PEBP4: variants seen among roughly 807,000 people sequenced by gnomAD.
PEBP4 encodes phosphatidylethanolamine binding protein 4.
In PEBP4, 22 loss-of-function variants were observed where a neutral mutation model predicts 23.9. The observed-to-expected ratio is 0.92, with a 90% CI of 0.66 to 1.31. The LOEUF (loss-of-function observed/expected upper bound fraction) is 1.31. PEBP4 is among the 40% of genes most tolerant of loss of function. The probability of loss-of-function intolerance (pLI) is 0.00; values close to 1 mark genes in which losing one functional copy is unlikely to be tolerated. For synonymous variants in PEBP4, 112 were observed against 99.3 expected, an observed-to-expected ratio of 1.13 and a Z score of -0.76; for missense variants, 324 against 281.7, an observed-to-expected ratio of 1.15 and a Z score of -1.07.
At chr8:22,866,465 G>A (rs1807905020) in intron 3 of PEBP4, among the ~76,000 whole-genome samples, 1 of 152,186 alleles carries the variant, frequency 6.6e-6, no homozygotes, top group Non-Finnish European at 1.5e-5. Context: ...AAAATATGCT[G>A]TAAACCACAC....
Position 22,855,000 on chromosome 8 carries a change from G to T in PEBP4, c.259-37265C>A, listed in dbSNP as rs1469473745. Among the ~76,000 whole-genome samples, 8 of 73,790 alleles carry T rather than the reference G, an allele frequency of 1.1e-4. No homozygotes were observed. The East Asian group carries it at 1.6e-3, about 15-fold the overall frequency. 48.4% of individuals were successfully genotyped at this position (73,790 alleles called of 152,430 possible). A position where few individuals can be genotyped will look rare whatever the true frequency, so the allele number is the denominator to read the frequency against. ...TGAGTGTGTATGTGTGAGTATGCAC[G>T]CACACACACACACACACACACACAC... is the stretch of plus-strand genomic sequence containing the variant. On this transcript the variant is annotated intron_variant, in intron 3 of 6. Transcript: ENST00000256404.
At chr8:22,850,509 G>A (rs535990639) in intron 3 of PEBP4, among the ~76,000 whole-genome samples, 1 of 152,256 alleles carries the variant, frequency 6.6e-6, no homozygotes, top group African/African-American at 2.4e-5. Flanking sequence ...GCTGGGCAGC[G>A]CCACTAGGAG....
rs890193295 is a variant in PEBP4 at position 22,925,978 on chromosome 8, T to G, written c.131+1606A>C. Among the ~76,000 whole-genome samples the G allele has an allele frequency of 2.0e-5, 3 of 152,092 alleles. No individual in the cohort carries two copies. The South Asian group carries it at 6.2e-4, about 32-fold the overall frequency. ...AGAACTGTTTTCTTGCTTGTTTGTT[T>G]TTTTGTTTGTTTTTTGAGACAGAGT... On this transcript the variant is annotated intron_variant, in intron 2 of 6. Transcript: ENST00000256404.
intron 4 of PEBP4, among the ~76,000 whole-genome samples, chr8:22,754,525 A>C (rs1226088439): frequency 6.6e-6 from 1 of 152,232 alleles, no homozygotes; most frequent in African/African-American, 2.4e-5. Context: ...TAGATTTCTC[A>C]TCAGAAATTT....
At chr8:22,768,248 GC>G (rs1368950605) in intron 4 of PEBP4, among the ~76,000 whole-genome samples, 1 of 152,124 alleles carries the variant, frequency 6.6e-6, no homozygotes, top group Non-Finnish European at 1.5e-5. Context: ...GTGTCCCTCT[GC>G]CCCCTGGTAG....
intron 3 of PEBP4, among the ~76,000 whole-genome samples, chr8:22,845,371 A>C (rs1807409331): frequency 6.8e-5 from 1 of 14,774 alleles, no homozygotes. Context: ...CATCTCTACA[A>C]AAAAAAAAAA....
intron 3 of PEBP4, among the ~76,000 whole-genome samples, chr8:22,854,564 G>A (rs4284046): frequency 0.16 from 24,183 of 152,054 alleles, 2,131 homozygotes; most frequent in Middle Eastern, 0.22. Flanking sequence ...GAGATAAGCA[G>A]GGGCTGGGGC....
chr8:22,739,466 A>AG (rs1226898229), intron 4 of PEBP4, among the ~76,000 whole-genome samples: 1 of 151,988 alleles, frequency 6.6e-6, no homozygotes, highest in Non-Finnish European at 1.5e-5. Context: ...CAAGAGGGAG[A>AG]GGAGGAGGAA....
intron 4 of PEBP4, among the ~76,000 whole-genome samples, chr8:22,748,952 A>G (rs548688586): frequency 1.5e-3 from 229 of 152,178 alleles, no homozygotes; most frequent in African/African-American, 4.9e-3. Context: ...CACCACATCA[A>G]TGCTTTTTGC....
chr8:22,782,202 C>T (rs1029942101), intron 4 of PEBP4, among the ~76,000 whole-genome samples: 1 of 152,092 alleles, frequency 6.6e-6, no homozygotes, highest in Non-Finnish European at 1.5e-5. Flanking sequence ...CCAGATGGGC[C>T]CTAATACACT....
intron 3 of PEBP4, chr8:22,886,382 T>C (rs1250541503): frequency 6.6e-6 from 1 of 152,250 alleles, no homozygotes; most frequent in Non-Finnish European, 1.5e-5. Flanking sequence ...TCTTGTCAGT[T>C]AGCAGCTGTG....
chr8:22,845,134 C>G (rs1807403193), intron 3 of PEBP4, among the ~76,000 whole-genome samples: 6 of 152,200 alleles, frequency 3.9e-5, no homozygotes, highest in Admixed American at 2.6e-4. Flanking sequence ...TCCCCTATAT[C>G]AGCCTTCTAG....
At chr8:22,925,064 G>A in intron 2 of PEBP4, 1 of 985,372 alleles carries the variant, frequency 1.0e-6, no homozygotes, top group Non-Finnish European at 1.2e-6. Context: ...GGAGGGGTCA[G>A]TGCAGGAGGT....
At position 22,795,309 on chromosome 8, in the gene PEBP4, G is replaced by T. The variant is rs1158672237; in HGVS notation, c.357+22328C>A. Among the ~76,000 whole-genome samples, 3 of 150,628 alleles carry T rather than the reference G, an allele frequency of 2.0e-5. No homozygotes were observed. The East Asian group carries it at 5.9e-4, about 29-fold the overall frequency. Reference sequence around the variant, plus strand: ...TCCTGCCTCAGCCTCCCAAGTAGCTGGGATTACAGGCATGTGCCACCACTC... The same window carrying T: ...TCCTGCCTCAGCCTCCCAAGTAGCTTGGATTACAGGCATGTGCCACCACTC... On this transcript the variant is annotated intron_variant, in intron 4 of 6. Transcript: ENST00000256404.
intron 4 of PEBP4, among the ~76,000 whole-genome samples, chr8:22,797,331 A>T (rs1437991427): frequency 6.6e-6 from 1 of 151,910 alleles, no homozygotes; most frequent in African/African-American, 2.4e-5. Context: ...AACCCAAAAA[A>T]CAAACAAAAG....
At chr8:22,740,552 C>A (rs376982128) in intron 4 of PEBP4, among the ~76,000 whole-genome samples, 1 of 152,232 alleles carries the variant, frequency 6.6e-6, no homozygotes, top group African/African-American at 2.4e-5. Flanking sequence ...GCTCTCCGAA[C>A]CTTCCTGCCC....
At chr8:22,939,843 A>C (rs1809585613) in intron 1 of PEBP4, among the ~76,000 whole-genome samples, 1 of 152,002 alleles carries the variant, frequency 6.6e-6, no homozygotes, top group Admixed American at 6.6e-5. Flanking sequence ...GGGGGCCAGG[A>C]CCTTCCCACT....
intron 3 of PEBP4, among the ~76,000 whole-genome samples, chr8:22,889,586 T>C (rs1808450853): frequency 6.6e-6 from 1 of 152,204 alleles, no homozygotes; most frequent in Non-Finnish European, 1.5e-5. Context: ...ATGCCGTAAA[T>C]TACAGCTTAA....
intron 1 of PEBP4, among the ~76,000 whole-genome samples, chr8:22,938,618 G>A (rs1585164988): frequency 6.6e-6 from 1 of 152,154 alleles, no homozygotes; most frequent in African/African-American, 2.4e-5. Context: ...GGACCAGCAG[G>A]TGCTCCATTA....
Sources: allele counts gnomAD v4.1 joint callset (sites outside exome capture counted in the v4.1 genomes callset), GRCh38; gene constraint gnomAD v4.1.1; transcripts MANE v1.5; gene names NCBI Gene and HGNC (gene_info 2026-07-23, HGNC 2026-07-21).